F13A1: variants seen among roughly 807,000 people sequenced by gnomAD.
The protein encoded by F13A1 is coagulation factor XIII A chain.
In F13A1, 47 loss-of-function variants were observed where a neutral mutation model predicts 80.1. That is an observed-to-expected ratio of 0.59 (90% CI 0.46 to 0.75). The LOEUF is 0.75. Ranked by LOEUF, F13A1 falls within the 30% of genes least tolerant of loss-of-function variation. The pLI is 0.00. For synonymous variants in F13A1, 349 were observed against 344.9 expected, an observed-to-expected ratio of 1.01 and a Z score of -0.13; for missense variants, 817 against 930.4, an observed-to-expected ratio of 0.88 and a Z score of 1.59.
rs571271635 is a variant in F13A1 at position 6,273,143 on chromosome 6, A to G, written c.320-6334T>C. On this transcript the variant is annotated intron_variant, in intron 3 of 14. Coordinates refer to ENST00000264870, the MANE Select transcript of F13A1 (RefSeq NM_000129.4). Reference sequence around the variant, plus strand: ...GGTCTGCATCGAGACCCCTTTTCCTATAACAATTATTTGCCAGAAAAGCCC... The same window carrying G: ...GGTCTGCATCGAGACCCCTTTTCCTGTAACAATTATTTGCCAGAAAAGCCC... Among the ~76,000 whole-genome samples, 7 of 152,262 alleles carry G rather than the reference A, an allele frequency of 4.6e-5. No homozygotes were observed. The South Asian group carries it at 6.2e-4, about 14-fold the overall frequency.
At position 6,318,582 on chromosome 6, in the gene F13A1, G is replaced by A. The variant is rs1290002388; in HGVS notation, c.83C>T (p.Pro28Leu). 1.2e-6 allele frequency: 2 copies of A among 1,613,836 alleles called. No individual in the cohort carries two copies. Among genetic ancestry groups the A allele is most frequent in the Non-Finnish European group, 1.7e-6 (2 of 1,179,968 alleles). The change falls in exon 2 of 15, where the codon CCC (proline) becomes CTC (leucine). Residue 28 changes from proline to leucine, a missense_variant. Coordinates refer to ENST00000264870, the MANE Select transcript of F13A1 (RefSeq NM_000129.4). ...NNSNAAEDDL[P>L]TVELQGVVPR... The stretch of plus-strand genomic sequence containing the variant: ...CACCACGCCCTGAAGCTCCACTGTG[G>A]GCAGGTCATCTTCCGCTGCATTAGA...
chr6:6,257,190 T>C (rs1416128595), intron 4 of F13A1, among the ~76,000 whole-genome samples: 3 of 152,278 alleles, frequency 2.0e-5, no homozygotes, highest in South Asian at 2.1e-4. Context: ...GCAGAGCAAA[T>C]GTGACTCCGG....
chr6:6,189,861 C>T (rs1441525983), intron 10 of F13A1, among the ~76,000 whole-genome samples: 1 of 152,046 alleles, frequency 6.6e-6, no homozygotes, highest in Admixed American at 6.6e-5. Flanking sequence ...TCAGGTACAC[C>T]AGTGAGACGT....
chr6:6,183,724 G>A lies in F13A1; in HGVS notation c.1306-1583C>T, dbSNP rs186111796. ...TTGGCTAGAAAGTAACAGCCAAGGT[G>A]AAACCTAGATGGCATTTGAGAGGAA... On this transcript the variant is annotated intron_variant, in intron 10 of 14. Coordinates refer to ENST00000264870, the MANE Select transcript of F13A1 (RefSeq NM_000129.4). 2.9e-3 allele frequency among the ~76,000 whole-genome samples: 446 copies of A among 152,304 alleles called. 4 individuals carry two copies. Among genetic ancestry groups the A allele is most frequent in the Non-Finnish European group, 4.9e-3 (331 of 68,030 alleles).
chr6:6,274,211 G>C (rs775193790), intron 3 of F13A1, among the ~76,000 whole-genome samples: 9 of 152,258 alleles, frequency 5.9e-5, no homozygotes, highest in Non-Finnish European at 1.2e-4. Flanking sequence ...TTGGAACGTA[G>C]TAGGTGCTCA....
chr6:6,212,348 C>A (rs968140127), intron 8 of F13A1, among the ~76,000 whole-genome samples: 6 of 150,416 alleles, frequency 4.0e-5, no homozygotes, highest in Non-Finnish European at 8.9e-5. Flanking sequence ...GGGCAGACTG[C>A]CTCCTCAAGT....
At chr6:6,258,018 T>G (rs373222026) in intron 4 of F13A1, among the ~76,000 whole-genome samples, 25 of 152,198 alleles carry the variant, frequency 1.6e-4, no homozygotes, top group African/African-American at 6.0e-4. Flanking sequence ...TTTATTTATT[T>G]ATTTATGTAT....
chr6:6,159,550 G>T (rs1244612656), intron 13 of F13A1, among the ~76,000 whole-genome samples: 2 of 152,160 alleles, frequency 1.3e-5, no homozygotes, highest in Non-Finnish European at 2.9e-5. Flanking sequence ...TCCATGCCAG[G>T]CTGCAGGGCT....
Position 6,162,446 on chromosome 6 carries a change from C to A in F13A1, c.1908+5012G>T, listed in dbSNP as rs562896350. The stretch of plus-strand genomic sequence containing the variant: ...CAGTCTTAATTCTTGATGTCCCACA[C>A]CACTCAAGTGTGTGTGATCTCTCCT... On this transcript the variant is annotated intron_variant, in intron 13 of 14. Transcript: ENST00000264870. The surrounding 1 kb of genome is among the most constrained non-coding windows in gnomAD (Gnocchi z 4.2). Among the ~76,000 whole-genome samples, 2 of 152,308 alleles carry A rather than the reference C, an allele frequency of 1.3e-5. No individual in the cohort carries two copies. Among genetic ancestry groups the A allele is most frequent in the Admixed American group, 1.3e-4 (2 of 15,302 alleles).
chr6:6,320,382 G>A (rs959670298), intron 1 of F13A1, among the ~76,000 whole-genome samples: 5 of 152,180 alleles, frequency 3.3e-5, no homozygotes, highest in African/African-American at 1.2e-4. Context: ...GAGCTGCCTC[G>A]AGAGCCTGAG....
At chr6:6,277,522 C>T (rs1036635149) in intron 3 of F13A1, among the ~76,000 whole-genome samples, 1 of 152,196 alleles carries the variant, frequency 6.6e-6, no homozygotes. Context: ...TAAACAAGCC[C>T]TGGTCTCAAG....
chr6:6,296,420 C>T (rs1349142593), intron 3 of F13A1, among the ~76,000 whole-genome samples: 3 of 143,784 alleles, frequency 2.1e-5, no homozygotes, highest in African/African-American at 8.0e-5. Flanking sequence ...CTTTTATTTC[C>T]TTGAGCAGTG....
intron 4 of F13A1, among the ~76,000 whole-genome samples, chr6:6,253,260 A>G (rs551166949): frequency 1.3e-5 from 2 of 152,090 alleles, no homozygotes; most frequent in South Asian, 4.2e-4. Flanking sequence ...TTTGGACCCC[A>G]ATTTATAGTT....
At chr6:6,314,005 G>T (rs1758644898) in intron 2 of F13A1, among the ~76,000 whole-genome samples, 1 of 34,680 alleles carries the variant, frequency 2.9e-5, no homozygotes, top group Non-Finnish European at 4.8e-5. Flanking sequence ...TTTTGAAACG[G>T]AGTCTTGGTC....
chr6:6,173,099 C>T (rs1316442539), intron 12 of F13A1, among the ~76,000 whole-genome samples: 4 of 152,230 alleles, frequency 2.6e-5, no homozygotes, highest in African/African-American at 9.6e-5. Flanking sequence ...CCTGCTCTAA[C>T]TCATTCTCTG....
chr6:6,179,029 G>T (rs1583057762), intron 11 of F13A1, among the ~76,000 whole-genome samples: 1 of 152,224 alleles, frequency 6.6e-6, no homozygotes, highest in South Asian at 2.1e-4. Context: ...CTCCAGGACG[G>T]CAAGGAGGCG....
intron 6 of F13A1, among the ~76,000 whole-genome samples, chr6:6,225,993 C>T (rs1475111677): frequency 6.6e-6 from 1 of 152,216 alleles, no homozygotes; most frequent in South Asian, 2.1e-4. Context: ...AAACTTGCCA[C>T]ACCTTCAGAC....
chr6:6,212,453 T>A (rs1387985519), intron 8 of F13A1, among the ~76,000 whole-genome samples: 1 of 151,838 alleles, frequency 6.6e-6, no homozygotes, highest in East Asian at 1.9e-4. Flanking sequence ...CTCCAACAGA[T>A]CTGCAGCTGA....
intron 14 of F13A1, among the ~76,000 whole-genome samples, chr6:6,149,459 C>T (rs552715091): frequency 7.3e-4 from 111 of 152,286 alleles, no homozygotes; most frequent in Non-Finnish European, 1.3e-3. Flanking sequence ...TACCATTTAG[C>T]GATGGAGCTT....
Sources: allele counts gnomAD v4.1 joint callset (sites outside exome capture counted in the v4.1 genomes callset), GRCh38; gene constraint gnomAD v4.1.1; non-coding constraint Gnocchi (gnomAD v3.1); transcripts MANE v1.5; gene names NCBI Gene and HGNC (gene_info 2026-07-23, HGNC 2026-07-21).